Variants in DST observed in about 807,000 individuals in gnomAD.
The protein encoded by DST is bullous pemphigoid antigen.
A neutral mutation model predicts 875.2 loss-of-function variants in DST; 253 were observed. The observed-to-expected ratio is 0.29, with a 90% confidence interval of 0.26 to 0.32. The LOEUF (loss-of-function observed/expected upper bound fraction) is 0.32. DST is among the 10% of genes least tolerant of loss of function. The pLI is 1.00. For missense variants in DST, 8,287 were observed against 9,111.6 expected, an observed-to-expected ratio of 0.91 and a Z score of 3.68; for synonymous variants, 3,124 against 3,197.1, an observed-to-expected ratio of 0.98 and a Z score of 0.77.
At chr6:56,788,713 T>C (rs1443613795) in intron 4 of DST, among the ~76,000 whole-genome samples, 3 of 152,242 alleles carry the variant, frequency 2.0e-5, no homozygotes, top group Non-Finnish European at 4.4e-5. Flanking sequence ...TCAAGATACA[T>C]TTCTGCAATA....
intron 12 of DST, among the ~76,000 whole-genome samples, 164 bp from the exon 13 acceptor site, chr6:56,648,853 A>T (rs2098959004): frequency 6.6e-6 from 1 of 152,232 alleles, no homozygotes; most frequent in Non-Finnish European, 1.5e-5. Context: ...TCCCTGTCAC[A>T]TAAACACCTG....
chr6:56,782,344 A>G (rs981516181), intron 4 of DST, among the ~76,000 whole-genome samples: 2 of 152,138 alleles, frequency 1.3e-5, no homozygotes, highest in Non-Finnish European at 2.9e-5. Flanking sequence ...CTGTGAATCC[A>G]TCTGGTCCTG....
chr6:56,514,961 ATACT>A (rs375581909), intron 72 of DST, among the ~76,000 whole-genome samples: 143 of 152,276 alleles, frequency 9.4e-4, no homozygotes, highest in African/African-American at 3.2e-3. Context: ...ATCTGTCTTT[ATACT>A]TCATCATTTT....
intron 3 of DST, among the ~76,000 whole-genome samples, chr6:56,872,832 C>CACCGCT: frequency 7.8e-6 from 1 of 127,892 alleles, no homozygotes; most frequent in Non-Finnish European, 1.6e-5. Context: ...TCCCCCCCCC[C>CACCGCT]TTTTTTTTTT....
rs576733066 is a variant in DST, at chr6:56,603,342, G to C, written c.11020C>G (p.Leu3674Val). The part of the protein sequence containing the change: ...MKLAEEFLKS[L>V]PSDFPRGHVE... ...TGGCCTCTGGGAAAGTCACTGGGAA[G>C]AGACTTTAAAAACTCTTCTGCCAAC... is the stretch of plus-strand genomic sequence containing the variant. Residue 3674 changes from leucine (L) to valine (V), a missense_variant, in exon 42 of 104, where the codon CTT (leucine) becomes GTT (valine). Around this residue, in one of 10 missense-constraint regions of DST, gnomAD observed 3,138 missense variants for 3,116.6 expected, o/e 1.01. Transcript: ENST00000680361. 5.6e-6 allele frequency: 9 copies of C among 1,611,204 alleles called. No individual in the cohort carries two copies. The Middle Eastern group carries it at 6.6e-4, about 118-fold the overall frequency.
chr6:56,494,600 T>C (rs1406184456), intron 82 of DST, among the ~76,000 whole-genome samples: 1 of 152,120 alleles, frequency 6.6e-6, no homozygotes, highest in Non-Finnish European at 1.5e-5. Context: ...TAGTATTTCA[T>C]TGGTACGATT....
intron 10 of DST, among the ~76,000 whole-genome samples, chr6:56,660,581 T>C (rs953925879): frequency 6.6e-6 from 1 of 150,606 alleles, no homozygotes; most frequent in Non-Finnish European, 1.5e-5. Context: ...ACTGTTCTTA[T>C]TGGTGCAAAA....
intron 3 of DST, among the ~76,000 whole-genome samples, chr6:56,896,632 A>G (rs9475744): frequency 0.32 from 49,329 of 152,046 alleles, 9,184 homozygotes; most frequent in African/African-American, 0.51. Context: ...ACCATTTTTT[A>G]ATATTTTGAT....
chr6:56,906,403 C>A (rs1796425497), intron 2 of DST, among the ~76,000 whole-genome samples: 1 of 152,158 alleles, frequency 6.6e-6, no homozygotes, highest in African/African-American at 2.4e-5. Context: ...CAGGTGGATG[C>A]CTGCAGGAAA....
chr6:56,862,141 C>T (rs1012864034), intron 3 of DST, among the ~76,000 whole-genome samples: 2 of 152,086 alleles, frequency 1.3e-5, no homozygotes, highest in African/African-American at 4.8e-5. Flanking sequence ...AGCTCTGCCA[C>T]AACCAAGGCT....
intron 4 of DST, among the ~76,000 whole-genome samples, chr6:56,841,592 A>C (rs1256801075): frequency 3.3e-5 from 5 of 152,268 alleles, no homozygotes; most frequent in Admixed American, 3.3e-4. Flanking sequence ...GTGTCACTTA[A>C]GTAAAACTTC....
In DST at chr6:56,459,980, C is replaced by T. The variant is rs567577710; in HGVS notation, c.23194+151G>A. ...ACTTGCACCCATGACTCACTTTATC[C>T]CCAACTTTTGGAGGACTGGGGCTAC... is the stretch of plus-strand genomic sequence containing the variant. On this transcript the variant is annotated intron_variant, in intron 103 of 103. Coordinates refer to ENST00000680361, the MANE Select transcript of DST (RefSeq NM_001374736.1). 277 of 932,394 alleles carry T rather than the reference C, an allele frequency of 3.0e-4. 1 individual carries two copies. Among genetic ancestry groups the T allele is most frequent in the Non-Finnish European group, 3.8e-4 (249 of 652,374 alleles). The allele number at this position is 932,394 out of a possible 1,614,324, so 57.8% of individuals were successfully genotyped here. A position where few individuals can be genotyped will look rare whatever the true frequency, so the allele number is the denominator to read the frequency against.
chr6:56,946,354 T>C (rs1819479498), intron 2 of DST, among the ~76,000 whole-genome samples: 2 of 152,174 alleles, frequency 1.3e-5, no homozygotes, highest in Admixed American at 1.3e-4. Context: ...AGAAGCCAGA[T>C]TAAATTGAGG....
intron 43 of DST, chr6:56,602,005 A>G: frequency 2.2e-6 from 1 of 445,352 alleles, no homozygotes; most frequent in Non-Finnish European, 4.4e-6. Context: ...GAAGAGAAAC[A>G]TCTACCTTAA....
chr6:56,636,283 CACACAT>C (rs1302063525), intron 23 of DST, among the ~76,000 whole-genome samples: 70 of 149,092 alleles, frequency 4.7e-4, no homozygotes, highest in African/African-American at 1.7e-3. Context: ...CACACACACA[CACACAT>C]ATACATATAT....
intron 72 of DST, among the ~76,000 whole-genome samples, chr6:56,513,978 C>G (rs1050013133): frequency 1.3e-5 from 2 of 152,136 alleles, no homozygotes; most frequent in Non-Finnish European, 2.9e-5. Flanking sequence ...GAAATGCCAT[C>G]CTAGGAGGCT....
At chr6:56,761,287 G>A (rs2099616589) in intron 4 of DST, among the ~76,000 whole-genome samples, 3 of 152,128 alleles carry the variant, frequency 2.0e-5, no homozygotes, top group Admixed American at 2.0e-4. Flanking sequence ...CCAAATTCGT[G>A]GCCCACAGAG....
chr6:56,611,449 G>T, intron 38 of DST, 59 bp downstream of exon 38: 1 of 1,242,070 alleles, frequency 8.1e-7, no homozygotes, highest in South Asian at 1.3e-5. Context: ...CTGTTTTGCT[G>T]AAAGCTTTTA....
At chr6:56,463,426 G>A (rs1396871009) in intron 101 of DST, 139 bp downstream of exon 101, 1 of 872,672 alleles carries the variant, frequency 1.1e-6, no homozygotes, top group African/African-American at 1.7e-5. Flanking sequence ...AAAAATTCCT[G>A]TATTTCCCAC....
Sources: gnomAD v4.1 joint callset for allele counts (sites outside exome capture counted in the v4.1 genomes callset) on GRCh38, gnomAD v4.1.1 for gene constraint, gnomAD v4.1.1 regional missense constraint, MANE v1.5 for transcripts, NCBI Gene and HGNC (gene_info 2026-07-23, HGNC 2026-07-21) for gene names.